CDH13: variants seen among roughly 807,000 people sequenced by gnomAD.
CDH13 encodes the protein cadherin 13.
Under a neutral mutation model 63.8 loss-of-function variants are expected in CDH13, and 24 were observed. The observed-to-expected ratio is 0.38, with a 90% CI of 0.27 to 0.53. The LOEUF (loss-of-function observed/expected upper bound fraction) is 0.53, where lower values mean the gene tolerates loss of function less well. Ranked by LOEUF, CDH13 falls within the 20% of genes least tolerant of loss-of-function variation. The probability of loss-of-function intolerance (pLI) is 0.85; values close to 1 mark genes in which losing one functional copy is unlikely to be tolerated. For synonymous variants in CDH13, 503 were observed against 355.3 expected (o/e 1.42, Z -4.67); for missense variants, 1,049 against 903.1 (o/e 1.16, Z -2.07).
At chr16:83,423,743 T>C (rs2071790602) in intron 6 of CDH13, among the ~76,000 whole-genome samples, 1 of 152,214 alleles carries the variant, frequency 6.6e-6, no homozygotes, top group Admixed American at 6.5e-5. Context: ...GATCAAAACA[T>C]GTGTTTCTGG....
In CDH13 at chr16:83,368,938, A is replaced by ATATATATATG. The variant is rs60900726; in HGVS notation, c.781+23932_781+23933insTATATATATG. On this transcript the variant is annotated intron_variant, in intron 6 of 13. Coordinates refer to ENST00000567109, the MANE Select transcript of CDH13 (RefSeq NM_001257.5). ...TATATATATATATATATATATATATACTAGGTTTTTTTAATCTGTTCATTG... is the reference window on the plus strand; with the variant it reads ...TATATATATATATATATATATATATATATATATATGCTAGGTTTTTTTAATCTGTTCATTG... Among the ~76,000 whole-genome samples, 48 of 55,438 alleles carry ATATATATATG rather than the reference A, an allele frequency of 8.7e-4. 2 individuals carry two copies. The highest frequency in any genetic ancestry group is 1.4e-3 in the Non-Finnish European group (43 of 29,868). The allele number at this position is 55,438 out of a possible 152,430, so 36.4% of individuals were successfully genotyped here.
chr16:82,804,930 T>C (rs2037070464), intron 1 of CDH13, among the ~76,000 whole-genome samples: 1 of 152,224 alleles, frequency 6.6e-6, no homozygotes, highest in Non-Finnish European at 1.5e-5. Context: ...CATATTTTCA[T>C]CCCTATTTTA....
intron 3 of CDH13, among the ~76,000 whole-genome samples, chr16:83,083,223 C>T (rs1041785568): frequency 2.0e-5 from 3 of 152,212 alleles, no homozygotes; most frequent in African/African-American, 4.8e-5. Flanking sequence ...ACTTGATTCT[C>T]AAAATACTCT....
At chr16:83,357,635 C>A (rs377713913) in intron 6 of CDH13, among the ~76,000 whole-genome samples, 2 of 152,126 alleles carry the variant, frequency 1.3e-5, no homozygotes, top group African/African-American at 4.8e-5. Context: ...CAACTGGCAT[C>A]GAGCGGGCCA....
At chr16:82,925,572 T>C (rs2042277677) in intron 2 of CDH13, among the ~76,000 whole-genome samples, 1 of 152,204 alleles carries the variant, frequency 6.6e-6, no homozygotes, top group Admixed American at 6.5e-5. Context: ...CCCCAGCCAT[T>C]GTGGCAGATG....
chr16:82,677,281 T>A (rs1914038923), intron 1 of CDH13, among the ~76,000 whole-genome samples: 1 of 152,216 alleles, frequency 6.6e-6, no homozygotes. Context: ...TTGGGAAACA[T>A]CACCCCTCAG....
At chr16:82,879,390 C>T (rs1213033618) in intron 2 of CDH13, among the ~76,000 whole-genome samples, 1 of 150,624 alleles carries the variant, frequency 6.6e-6, no homozygotes, top group Admixed American at 6.7e-5. Flanking sequence ...CCTCAAACCT[C>T]ACTTTGAGCC....
intron 2 of CDH13, among the ~76,000 whole-genome samples, chr16:82,951,108 G>A (rs1292489215): frequency 6.6e-6 from 1 of 152,128 alleles, no homozygotes; most frequent in Middle Eastern, 3.2e-3. Flanking sequence ...TGAGGGCACA[G>A]GTCACAATGG....
chr16:83,624,786 A>G (rs977007096), intron 8 of CDH13, among the ~76,000 whole-genome samples: 2 of 152,168 alleles, frequency 1.3e-5, no homozygotes, highest in Non-Finnish European at 2.9e-5. Context: ...CGTGACCTCA[A>G]GGAGCAGGTT....
At chr16:82,643,479 C>T (rs1462977845) in intron 1 of CDH13, among the ~76,000 whole-genome samples, 1 of 152,226 alleles carries the variant, frequency 6.6e-6, no homozygotes, top group Admixed American at 6.5e-5. Flanking sequence ...GATTAAGACC[C>T]AGGCTGTTTG....
intron 3 of CDH13, among the ~76,000 whole-genome samples, chr16:83,106,635 C>T (rs1008182420): frequency 2.0e-5 from 3 of 152,108 alleles, no homozygotes; most frequent in South Asian, 2.1e-4. Flanking sequence ...TGTATTGTGC[C>T]GCAACTAAAA....
At chr16:82,831,408 T>A (rs75112050) in intron 1 of CDH13, among the ~76,000 whole-genome samples, 2 of 150,514 alleles carry the variant, frequency 1.3e-5, no homozygotes, top group African/African-American at 2.4e-5. Flanking sequence ...TCATTTTTTT[T>A]AAAGTGCTGG....
At chr16:83,790,163 G>A (rs2151019366) in intron 13 of CDH13, 1 of 152,290 alleles carries the variant, frequency 6.6e-6, no homozygotes, top group South Asian at 2.1e-4. Flanking sequence ...AGGTCTCCAG[G>A]TGAGTAATCA....
chr16:83,547,950 G>A (rs2075419012), intron 7 of CDH13, among the ~76,000 whole-genome samples: 1 of 152,198 alleles, frequency 6.6e-6, no homozygotes, highest in Admixed American at 6.5e-5. Context: ...CCAAGACTGG[G>A]TTCTGTAAGC....
rs561807706 is a variant in CDH13, at chr16:83,142,739, C to T, written c.483+17238C>T. Reference sequence around the variant, plus strand: ...GGATATGTCTGGTGGACTAGGCTCTCAATAAATATTTTTTGACTGAATGAA... The same window carrying T: ...GGATATGTCTGGTGGACTAGGCTCTTAATAAATATTTTTTGACTGAATGAA... On this transcript the variant is annotated intron_variant, in intron 4 of 13. Coordinates refer to ENST00000567109, the MANE Select transcript of CDH13 (RefSeq NM_001257.5). 5.3e-5 allele frequency among the ~76,000 whole-genome samples: 8 copies of T among 152,010 alleles called. 1 individual carries two copies. The highest frequency in any genetic ancestry group is 5.2e-4 in the Admixed American group (8 of 15,274).
chr16:83,633,142 C>G (rs1175212175), intron 8 of CDH13, among the ~76,000 whole-genome samples: 1 of 152,110 alleles, frequency 6.6e-6, no homozygotes, highest in East Asian at 1.9e-4. Context: ...TCTTCCTGAT[C>G]TAAATCTTGT....
intron 1 of CDH13, among the ~76,000 whole-genome samples, chr16:82,754,950 G>C (rs928644103): frequency 3.3e-5 from 5 of 152,204 alleles, no homozygotes; most frequent in Non-Finnish European, 7.3e-5. Context: ...AATCATGTTT[G>C]TTAAGGAGAA....
chr16:83,029,794 G>A (rs72794189), intron 2 of CDH13, among the ~76,000 whole-genome samples: 10,420 of 142,824 alleles, frequency 0.073, 373 homozygotes, highest in Non-Finnish European at 0.085. Flanking sequence ...AGTTGGTTGT[G>A]CTTACTTTGT....
intron 2 of CDH13, among the ~76,000 whole-genome samples, chr16:82,948,449 C>T (rs1253101132): frequency 1.3e-5 from 2 of 152,148 alleles, no homozygotes; most frequent in Admixed American, 1.3e-4. Flanking sequence ...TTGCTGTCTT[C>T]ATCACAGTCC....
Sources: allele counts gnomAD v4.1 joint callset (sites outside exome capture counted in the v4.1 genomes callset), GRCh38; gene constraint gnomAD v4.1.1; transcripts MANE v1.5; gene names NCBI Gene and HGNC (gene_info 2026-07-23, HGNC 2026-07-21).